COL22A1: variants seen among roughly 807,000 people sequenced by gnomAD.
COL22A1 encodes collagen type XXII alpha 1 chain.
Under a neutral mutation model 248.9 loss-of-function variants are expected in COL22A1, and 221 were observed. That is an observed-to-expected ratio of 0.89 (90% CI 0.80 to 0.99). The LOEUF is 0.99. Among genes scored for constraint, COL22A1 ranks in the 50% least tolerant of loss-of-function variants. The pLI is 0.00. For synonymous variants in COL22A1, 891 were observed against 793.4 expected, an observed-to-expected ratio of 1.12 and a Z score of -2.07; for missense variants, 2,240 against 2,179.0, an observed-to-expected ratio of 1.03 and a Z score of -0.56.
At chr8:138,807,937 A>G (rs945664699) in intron 9 of COL22A1, 125 bp from the exon 10 acceptor site, 3 of 880,460 alleles carry the variant, frequency 3.4e-6, no homozygotes, top group Admixed American at 2.2e-5. Flanking sequence ...GCGCCGACCA[A>G]TGAGTTGGGC....
At chr8:138,615,296 C>T (rs191224320) in intron 55 of COL22A1, among the ~76,000 whole-genome samples, 2 of 152,212 alleles carry the variant, frequency 1.3e-5, no homozygotes, top group Admixed American at 1.3e-4. Context: ...TTTGGGAGAC[C>T]GAGGCAGGTG....
At chr8:138,604,710 G>C (rs1209015932) in intron 59 of COL22A1, 24 bp downstream of exon 59, 41 of 1,610,662 alleles carry the variant, frequency 2.5e-5, no homozygotes, top group Non-Finnish European at 3.3e-5. Context: ...GTTGCCAAGG[G>C]GTGAGTGGGC....
At chr8:138,695,975 C>T (rs990977013) in intron 32 of COL22A1, among the ~76,000 whole-genome samples, 1 of 152,132 alleles carries the variant, frequency 6.6e-6, no homozygotes. Context: ...GGCCCTCTAA[C>T]TTATTGGCCA....
At chr8:138,903,845 A>G (rs540542799) in intron 1 of COL22A1, among the ~76,000 whole-genome samples, 1 of 152,194 alleles carries the variant, frequency 6.6e-6, no homozygotes, top group East Asian at 1.9e-4. Flanking sequence ...GCCCTCTGCT[A>G]GGGTTTCTGG....
chr8:138,902,048 G>C (rs1046899457), intron 1 of COL22A1, among the ~76,000 whole-genome samples: 1 of 152,166 alleles, frequency 6.6e-6, no homozygotes, highest in Non-Finnish European at 1.5e-5. Context: ...GACTCCAGCT[G>C]TAAGACGCTG....
Position 138,649,763 on chromosome 8 carries a change from A to C in COL22A1, c.3349T>G (p.Cys1117Gly). The C allele has an allele frequency of 6.3e-7, 1 of 1,599,212 alleles. No individual in the cohort carries two copies. The highest frequency in any genetic ancestry group is 8.5e-7 in the Non-Finnish European group (1 of 1,173,536). Residue 1117 changes from cysteine to glycine, a missense_variant, in exon 46 of 65, where the codon TGC becomes GGC. By Grantham distance (159) the Cys-to-Gly change is radical. Coordinates refer to ENST00000303045, the MANE Select transcript of COL22A1 (RefSeq NM_152888.3). ...NLLAKDVCND[C>G]PPGPPGLPGL... Reference sequence around the variant, plus strand: ...GGGAGGCCTGGGGGGCCAGGAGGGCAGTCATTGCACACATCCTGAGAGTGG... The same window carrying C: ...GGGAGGCCTGGGGGGCCAGGAGGGCCGTCATTGCACACATCCTGAGAGTGG...
At position 138,664,402 on chromosome 8, in the gene COL22A1, C is replaced by T. The variant is rs552448812; in HGVS notation, c.3151-662G>A. Among the ~76,000 whole-genome samples the T allele has an allele frequency of 7.2e-5, 11 of 152,102 alleles. No homozygotes were observed. The East Asian group carries it at 1.4e-3, about 19-fold the overall frequency. On this transcript the variant is annotated intron_variant, in intron 41 of 64. Coordinates refer to ENST00000303045, the MANE Select transcript of COL22A1 (RefSeq NM_152888.3). Reference sequence around the variant, plus strand: ...TCACATGCATTTCCAAGTCTTGCAGCGAGTGGGACCGTCCCTTGCCCCTGA... The same window carrying T: ...TCACATGCATTTCCAAGTCTTGCAGTGAGTGGGACCGTCCCTTGCCCCTGA...
chr8:138,796,813 GCTTAC>G lies in COL22A1; in HGVS notation c.1596+1_1596+5del, dbSNP rs1358431263. The G allele has an allele frequency of 2.5e-6, 4 of 1,587,188 alleles. No individual in the cohort carries two copies. In the African/African-American group the frequency reaches 4.0e-5, roughly 16 times the overall value. On this transcript the variant is annotated splice_donor_variant and splice_donor_5th_base_variant and intron_variant, in intron 12 of 64. Coordinates refer to ENST00000303045, the MANE Select transcript of COL22A1 (RefSeq NM_152888.3). LOFTEE classifies it high-confidence loss of function. ...TGGAGGAGTGTGATAAAAGGAAGAT[GCTTAC>G]CTTTTCACCCTTTTCCCCTTGGCCA...
At chr8:138,653,738 A>G (rs1471078477) in intron 45 of COL22A1, among the ~76,000 whole-genome samples, 1 of 152,174 alleles carries the variant, frequency 6.6e-6, no homozygotes, top group African/African-American at 2.4e-5. Flanking sequence ...GTTCTGTAAT[A>G]CAAGATGTCT....
intron 22 of COL22A1, among the ~76,000 whole-genome samples, chr8:138,740,976 C>A (rs1280941096): frequency 6.6e-6 from 1 of 152,210 alleles, no homozygotes; most frequent in Non-Finnish European, 1.5e-5. Flanking sequence ...CTGGGCCAAC[C>A]TCTGCAGGCA....
intron 47 of COL22A1, among the ~76,000 whole-genome samples, chr8:138,640,660 T>C (rs1278469293): frequency 6.6e-6 from 1 of 152,188 alleles, no homozygotes; most frequent in Admixed American, 6.5e-5. Flanking sequence ...GTGGTTGTTG[T>C]TAACTCAAAT....
chr8:138,612,127 C>T (rs368931485), intron 56 of COL22A1, among the ~76,000 whole-genome samples: 4 of 145,396 alleles, frequency 2.8e-5, no homozygotes, highest in African/African-American at 1.0e-4. Context: ...CAAAATGCTT[C>T]TAACAGTGGC....
intron 22 of COL22A1, 118 bp downstream of exon 22, chr8:138,751,340 T>G: frequency 1.5e-6 from 1 of 684,720 alleles, no homozygotes; most frequent in East Asian, 2.7e-5. Flanking sequence ...TCATTCTACT[T>G]CCAATATTCA....
chr8:138,879,690 C>CAAAAAAAA (rs372214665), intron 2 of COL22A1, among the ~76,000 whole-genome samples: 11 of 99,030 alleles, frequency 1.1e-4, no homozygotes, highest in African/African-American at 1.3e-4. Flanking sequence ...GACACTCTCT[C>CAAAAAAAA]AAAAAAAAAA....
chr8:138,766,371 T>G (rs1586689131), intron 16 of COL22A1, among the ~76,000 whole-genome samples: 1 of 149,682 alleles, frequency 6.7e-6, no homozygotes, highest in Non-Finnish European at 1.5e-5. Context: ...GATGGATGCG[T>G]GGTCATTAGC....
intron 16 of COL22A1, among the ~76,000 whole-genome samples, chr8:138,772,097 C>G (rs991607833): frequency 6.6e-6 from 1 of 152,194 alleles, no homozygotes. Flanking sequence ...TGGAGTACCC[C>G]CTTTAAACCC....
At chr8:138,853,538 C>A (rs1282574134) in intron 3 of COL22A1, among the ~76,000 whole-genome samples, 4 of 152,114 alleles carry the variant, frequency 2.6e-5, no homozygotes, top group African/African-American at 9.7e-5. Context: ...AGAAAATTAG[C>A]AAGATGCTAA....
intron 7 of COL22A1, among the ~76,000 whole-genome samples, 186 bp downstream of exon 7, chr8:138,820,950 G>A (rs1225672159): frequency 6.6e-6 from 1 of 152,186 alleles, no homozygotes; most frequent in Non-Finnish European, 1.5e-5. Context: ...TTAATACATG[G>A]GTGATGGTGA....
At chr8:138,887,543 G>C (rs1245574484) in intron 1 of COL22A1, among the ~76,000 whole-genome samples, 1 of 152,162 alleles carries the variant, frequency 6.6e-6, no homozygotes, top group Non-Finnish European at 1.5e-5. Context: ...TATATCTTGA[G>C]CAATGTCTGG....
Sources: allele counts gnomAD v4.1 joint callset (sites outside exome capture counted in the v4.1 genomes callset), GRCh38; gene constraint gnomAD v4.1.1; transcripts MANE v1.5; gene names NCBI Gene and HGNC (gene_info 2026-07-23, HGNC 2026-07-21).